INTS6: variants seen among roughly 807,000 people sequenced by gnomAD.
INTS6 encodes the protein DEAD box protein.
A neutral mutation model predicts 104.9 loss-of-function variants in INTS6; 16 were observed. The observed-to-expected ratio is 0.15, with a 90% CI of 0.10 to 0.23. INTS6 has a LOEUF of 0.23. Ranked by LOEUF, INTS6 falls within the 10% of genes least tolerant of loss-of-function variation. INTS6 has a pLI of 1.00. For synonymous variants in INTS6, 324 were observed against 358.7 expected, an observed-to-expected ratio of 0.90 and a Z score of 1.09; for missense variants, 584 against 1,062.8, an observed-to-expected ratio of 0.55 and a Z score of 6.26.
the INTS6 span, among the ~76,000 whole-genome samples, chr13:51,337,434 T>C: frequency 8.5e-5 from 13 of 152,208 alleles, no homozygotes; most frequent in Non-Finnish European, 1.9e-4. Context: ...ACAGCATTCC[T>C]GGTAAATGTG....
intron 3 of INTS6, chr13:51,439,485 C>T (rs992323883): frequency 2.0e-5 from 3 of 151,912 alleles, no homozygotes; most frequent in Non-Finnish European, 2.9e-5. Context: ...ATTATATATG[C>T]CCTTCAAAAA....
In INTS6 at chr13:51,449,940, A is replaced by T. The variant is rs940383403; in HGVS notation, c.339+1085T>A. ...TCAGTGTACATTTTAAATGTTATAG[A>T]ACTAAATTCAGTTATTTCCAAAGAC... is the stretch of plus-strand genomic sequence containing the variant. On this transcript the variant is annotated intron_variant, in intron 3 of 17. Transcript: ENST00000311234. 2.6e-5 allele frequency: 26 copies of T among 985,168 alleles called. No homozygotes were observed. The African/African-American group carries it at 4.2e-4, about 16-fold the overall frequency. 61.0% of individuals were successfully genotyped at this position (985,168 alleles called of 1,614,324 possible).
intron 16 of INTS6, among the ~76,000 whole-genome samples, 197 bp from the exon 17 acceptor site, chr13:51,368,095 T>C (rs374404870): frequency 6.6e-6 from 1 of 152,224 alleles, no homozygotes; most frequent in African/African-American, 2.4e-5. Context: ...ATAAAACAAC[T>C]AATCAAACCC....
chr13:51,362,169 C>T lies in INTS6; in HGVS notation c.*3583G>A. On this transcript the variant is annotated 3_prime_UTR_variant, in exon 18 of 18. Coordinates refer to ENST00000311234, the MANE Select transcript of INTS6 (RefSeq NM_012141.3). ...TTTTTAATGCTATAGGTTTCTACTT[C>T]TGAAGACACTTGGAAAAATCATGAA... 1.2e-6 allele frequency: 1 copy of T among 810,658 alleles called. No individual in the cohort carries two copies. Among genetic ancestry groups the T allele is most frequent in the Non-Finnish European group, 1.8e-6 (1 of 568,568 alleles). The allele number at this position is 810,658 out of a possible 1,614,324, so 50.2% of individuals were successfully genotyped here.
At chr13:51,372,570 TCTC>T (rs2137877987) in intron 15 of INTS6, among the ~76,000 whole-genome samples, 1 of 152,254 alleles carries the variant, frequency 6.6e-6, no homozygotes, top group Admixed American at 6.5e-5. Flanking sequence ...CCAATCCTCT[TCTC>T]CTGAGCCCAA....
At position 51,452,392 on chromosome 13, in the gene INTS6, G is replaced by C; in HGVS notation, c.111+23C>G. 6.5e-7 allele frequency: 1 copy of C among 1,537,850 alleles called. No homozygotes were observed. Among genetic ancestry groups the C allele is most frequent in the Non-Finnish European group, 8.8e-7 (1 of 1,142,656 alleles). On this transcript the variant is annotated intron_variant, in intron 1 of 17. Transcript: ENST00000311234. The surrounding 1 kb of genome is among the most constrained non-coding windows in gnomAD (Gnocchi z 4.2). ...CGCGGGCCGCCGGGCCGGGGTCGCC[G>C]CCCGGGCTCGGTCAGTCGGTACCTT...
chr13:51,452,888 C>A lies in INTS6; in HGVS notation c.-363G>T, dbSNP rs1233641734. On this transcript the variant is annotated 5_prime_UTR_variant, in exon 1 of 18. Transcript: ENST00000311234. The surrounding 1 kb of genome is among the most constrained non-coding windows in gnomAD (Gnocchi z 4.2). ...AGACGGGCCTGGCTCCCCACCCCAC[C>A]CCCGGTACAGGAGTGGGGACCTGGG... is the stretch of plus-strand genomic sequence containing the variant. 2.7e-6 allele frequency: 3 copies of A among 1,128,606 alleles called. No individual in the cohort carries two copies. Among genetic ancestry groups the A allele is most frequent in the Non-Finnish European group, 3.3e-6 (3 of 915,878 alleles). The allele number at this position is 1,128,606 out of a possible 1,614,324, so 69.9% of individuals were successfully genotyped here.
rs201277531 is a variant in INTS6, at chr13:51,429,785, A to AAT, written c.429+507_429+508dup. Among the ~76,000 whole-genome samples, 842 of 92,126 alleles carry AAT rather than the reference A, an allele frequency of 9.1e-3. 20 individuals carry two copies. Among genetic ancestry groups the AAT allele is most frequent in the Non-Finnish European group, 0.013 (649 of 50,272 alleles). 60.4% of individuals were successfully genotyped at this position (92,126 alleles called of 152,430 possible). On this transcript the variant is annotated intron_variant, in intron 4 of 17. Transcript: ENST00000311234. ...TCTCAAAAAAAAAAAAAAAAAAAAA[A>AAT]ATATATATATATATATATATATATG...
Position 51,361,791 on chromosome 13 carries a change from T to G in INTS6, c.*3961A>C. The G allele has an allele frequency of 6.4e-7, 1 of 1,567,644 alleles. No individual in the cohort carries two copies. The highest frequency in any genetic ancestry group is 8.6e-7 in the Non-Finnish European group (1 of 1,161,968). On this transcript the variant is annotated 3_prime_UTR_variant, in exon 18 of 18. Transcript: ENST00000311234. ...AAATGCACAGAAAATGCAATGGAATTTTTCTTTCTTTCCTGCAGCTCTGTT... is the reference window on the plus strand; with the variant it reads ...AAATGCACAGAAAATGCAATGGAATGTTTCTTTCTTTCCTGCAGCTCTGTT...
chr13:51,399,371 T>C (rs1474138403), intron 4 of INTS6, among the ~76,000 whole-genome samples: 1 of 152,086 alleles, frequency 6.6e-6, no homozygotes, highest in Non-Finnish European at 1.5e-5. Context: ...CACACTCAGC[T>C]CACTTTTTAA....
At chr13:51,410,949 C>A (rs1956672870) in intron 4 of INTS6, among the ~76,000 whole-genome samples, 1 of 152,082 alleles carries the variant, frequency 6.6e-6, no homozygotes, top group Non-Finnish European at 1.5e-5. Flanking sequence ...CCATGACTCA[C>A]ACCTGTTATC....
intron 15 of INTS6, among the ~76,000 whole-genome samples, chr13:51,373,860 A>T (rs1453775610): frequency 6.6e-6 from 1 of 152,248 alleles, no homozygotes; most frequent in African/African-American, 2.4e-5. Flanking sequence ...AAAGCACAGC[A>T]TTATCCAAAA....
At position 51,369,014 on chromosome 13, in the gene INTS6, G is replaced by C; in HGVS notation, c.2401C>G (p.His801Asp). The change falls in exon 16 of 18, where the codon CAT becomes GAT. Residue 801 changes from histidine (H) to aspartate (D), a missense_variant. Transcript: ENST00000311234. ...SSLNKGKKLM[H>D]CRSHEEVNTE... The stretch of plus-strand genomic sequence containing the variant: ...TTGACCTCTTCATGGCTTCTGCAAT[G>C]CATCAATTTCTTTCCTTTGTTGAGT... The C allele has an allele frequency of 6.2e-7, 1 of 1,613,584 alleles. No homozygotes were observed. Among genetic ancestry groups the C allele is most frequent in the Non-Finnish European group, 8.5e-7 (1 of 1,179,706 alleles).
chr13:51,449,882 T>C (rs1278546875), intron 3 of INTS6: 1 of 985,226 alleles, frequency 1.0e-6, no homozygotes, highest in African/African-American at 1.7e-5. Flanking sequence ...AACTAAACGT[T>C]GGAAGTTCAA....
chr13:51,412,755 T>C (rs1956710693), intron 4 of INTS6, among the ~76,000 whole-genome samples: 1 of 152,206 alleles, frequency 6.6e-6, no homozygotes, highest in South Asian at 2.1e-4. Context: ...TACCAGTATA[T>C]CCACATTGTG....
Position 51,452,631 on chromosome 13 carries a change from G to C in INTS6, c.-106C>G. 1 of 1,518,640 alleles carries C rather than the reference G, an allele frequency of 6.6e-7. No homozygotes were observed. The highest frequency in any genetic ancestry group is 8.8e-7 in the Non-Finnish European group (1 of 1,132,130). The allele number at this position is 1,518,640 out of a possible 1,614,324, so 94.1% of individuals were successfully genotyped here. A position where few individuals can be genotyped will look rare whatever the true frequency, so the allele number is the denominator to read the frequency against. On this transcript the variant is annotated 5_prime_UTR_variant, in exon 1 of 18. Coordinates refer to ENST00000311234, the MANE Select transcript of INTS6 (RefSeq NM_012141.3). This position sits in a 1 kb window ranked among gnomAD's most constrained non-coding sequence, Gnocchi z 4.2. ...GCCGCTACGCGGGGCGGGGGAGCACGGCCCCCGGGAGGAAAACACTGTCTG... is the reference window on the plus strand; with the variant it reads ...GCCGCTACGCGGGGCGGGGGAGCACCGCCCCCGGGAGGAAAACACTGTCTG...
chr13:51,424,384 T>C (rs901299214), intron 4 of INTS6, among the ~76,000 whole-genome samples: 4 of 151,908 alleles, frequency 2.6e-5, no homozygotes, highest in Non-Finnish European at 5.9e-5. Context: ...TGAAAAAAAG[T>C]ATATCAATAA....
intron 4 of INTS6, 172 bp downstream of exon 4, chr13:51,430,122 T>C (rs1164309258): frequency 1.1e-5 from 6 of 531,364 alleles, no homozygotes; most frequent in African/African-American, 1.9e-5. Flanking sequence ...GAGATTCTTA[T>C]TCAAGAAAAT....
downstream of INTS6, among the ~76,000 whole-genome samples, chr13:51,357,049 AT>A (rs1381276621): frequency 6.6e-6 from 1 of 152,184 alleles, no homozygotes; most frequent in African/African-American, 2.4e-5. Flanking sequence ...ACTCTCATTC[AT>A]TCATAAATCA....
Sources: gnomAD v4.1 joint callset for allele counts (sites outside exome capture counted in the v4.1 genomes callset) on GRCh38, gnomAD v4.1.1 for gene constraint, Gnocchi (gnomAD v3.1) non-coding constraint, MANE v1.5 for transcripts, NCBI Gene and HGNC (gene_info 2026-07-23, HGNC 2026-07-21) for gene names.